The following LRMDA variants were observed in gnomAD, a reference collection of about 807,000 sequenced individuals.
LRMDA encodes the protein leucine-rich melanocyte differentiation-associated protein.
A neutral mutation model predicts 29.8 loss-of-function variants in LRMDA; 18 were observed. The observed-to-expected ratio is 0.60, with a 90% CI of 0.42 to 0.90. LRMDA has a LOEUF of 0.90. Ranked by LOEUF, LRMDA falls within the 40% of genes least tolerant of loss-of-function variation. The pLI is 0.00. For missense variants in LRMDA, 273 were observed against 273.9 expected (o/e 1.00, Z 0.02); for synonymous variants, 125 against 109.4 (o/e 1.14, Z -0.89).
chr10:76,059,417 T>G (rs1848668962), intron 5 of LRMDA, among the ~76,000 whole-genome samples: 2 of 152,168 alleles, frequency 1.3e-5, no homozygotes, highest in South Asian at 4.1e-4. Flanking sequence ...CAGTGGAGAA[T>G]TGGCTTGGGG....
At chr10:75,605,537 G>A (rs1480831099) in intron 2 of LRMDA, among the ~76,000 whole-genome samples, 2 of 152,232 alleles carry the variant, frequency 1.3e-5, no homozygotes. Context: ...AAAGGCCACT[G>A]ATGGAACACT....
chr10:75,708,867 C>T (rs561393459), intron 2 of LRMDA, among the ~76,000 whole-genome samples: 4 of 152,240 alleles, frequency 2.6e-5, no homozygotes, highest in South Asian at 2.1e-4. Context: ...TCTGTGTTTG[C>T]GAGGCTTGAC....
At chr10:76,050,842 A>C (rs998417449) in intron 4 of LRMDA, among the ~76,000 whole-genome samples, 2 of 152,086 alleles carry the variant, frequency 1.3e-5, no homozygotes, top group African/African-American at 2.4e-5. Context: ...AATGGACTTG[A>C]AGGTTAACAG....
intron 2 of LRMDA, among the ~76,000 whole-genome samples, chr10:75,478,719 A>G (rs1844823707): frequency 6.6e-6 from 1 of 152,168 alleles, no homozygotes; most frequent in Admixed American, 6.5e-5. Context: ...TTTCAATAAT[A>G]CATAAGGATT....
intron 2 of LRMDA, among the ~76,000 whole-genome samples, chr10:75,559,121 T>G (rs528622876): frequency 9.7e-4 from 148 of 151,932 alleles, no homozygotes; most frequent in African/African-American, 3.3e-3. Flanking sequence ...ACTTCCACAA[T>G]GGTTGAACTA....
intron 2 of LRMDA, among the ~76,000 whole-genome samples, chr10:75,520,027 T>G (rs1845338104): frequency 1.3e-5 from 2 of 152,206 alleles, no homozygotes; most frequent in Non-Finnish European, 2.9e-5. Context: ...TCTGGCTTGT[T>G]GGGTTTCTGC....
At chr10:75,834,361 T>C (rs1589222953) in intron 2 of LRMDA, among the ~76,000 whole-genome samples, 1 of 152,314 alleles carries the variant, frequency 6.6e-6, no homozygotes, top group Non-Finnish European at 1.5e-5. Flanking sequence ...TACTCTGATA[T>C]TTTGACCCTT....
intron 2 of LRMDA, among the ~76,000 whole-genome samples, chr10:75,843,702 CAT>C (rs529038614): frequency 3.9e-5 from 6 of 152,214 alleles, no homozygotes; most frequent in Admixed American, 3.3e-4. Flanking sequence ...GTGGGCAAGA[CAT>C]GTGCTTGGCA....
chr10:76,141,987 A>G (rs1850210623), intron 5 of LRMDA, among the ~76,000 whole-genome samples: 1 of 151,366 alleles, frequency 6.6e-6, no homozygotes, highest in Admixed American at 6.6e-5. Flanking sequence ...CCTAGATTCT[A>G]CTCTTGACTC....
chr10:76,177,897 G>T lies in LRMDA; in HGVS notation c.516+119114G>T, dbSNP rs143688505. On this transcript the variant is annotated intron_variant, in intron 5 of 6. Coordinates refer to ENST00000611255, the MANE Select transcript of LRMDA (RefSeq NM_001305581.2). ...GAAATGAAGTAAGCTGGTCTGGTCT[G>T]TCCAGTGGTGTTAGAGCTGAATTGA... is the stretch of plus-strand genomic sequence containing the variant. Among the ~76,000 whole-genome samples, 274 of 152,316 alleles carry T rather than the reference G, an allele frequency of 1.8e-3. No individual in the cohort carries two copies. The Middle Eastern group carries it at 0.034, about 19-fold the overall frequency.
chr10:76,380,927 T>C (rs1589158884), intron 6 of LRMDA, among the ~76,000 whole-genome samples: 1 of 151,384 alleles, frequency 6.6e-6, no homozygotes, highest in African/African-American at 2.4e-5. Flanking sequence ...GAATAATAAA[T>C]AATTTCAAAT....
intron 5 of LRMDA, among the ~76,000 whole-genome samples, chr10:76,189,725 G>A (rs1476295536): frequency 6.6e-6 from 1 of 152,164 alleles, no homozygotes; most frequent in Non-Finnish European, 1.5e-5. Flanking sequence ...GTTCCTATGT[G>A]TTTGCTGTGG....
intron 1 of LRMDA, among the ~76,000 whole-genome samples, chr10:75,436,768 C>T (rs1357422803): frequency 6.6e-6 from 1 of 152,090 alleles, no homozygotes; most frequent in Non-Finnish European, 1.5e-5. Context: ...CGCGCCTGGC[C>T]AAGAAGCTGC....
intron 6 of LRMDA, among the ~76,000 whole-genome samples, chr10:76,541,948 A>G (rs1184436553): frequency 6.6e-6 from 1 of 152,150 alleles, no homozygotes; most frequent in Non-Finnish European, 1.5e-5. Flanking sequence ...TGTAATTGCT[A>G]AATAATATAG....
At chr10:76,004,854 A>C (rs937845463) in intron 2 of LRMDA, among the ~76,000 whole-genome samples, 9 of 151,204 alleles carry the variant, frequency 6.0e-5, no homozygotes, top group Non-Finnish European at 1.0e-4. Flanking sequence ...CAGCCTCCCG[A>C]GTAGCTGGGA....
chr10:76,121,237 A>G (rs972393969), intron 5 of LRMDA, among the ~76,000 whole-genome samples: 5 of 152,034 alleles, frequency 3.3e-5, no homozygotes, highest in Non-Finnish European at 4.4e-5. Flanking sequence ...AGAAAGAAAG[A>G]GGAAGGAGAG....
Position 75,588,516 on chromosome 10 carries a change from T to C in LRMDA, c.131+150022T>C, listed in dbSNP as rs1322607679. Among the ~76,000 whole-genome samples, 5 of 152,212 alleles carry C rather than the reference T, an allele frequency of 3.3e-5. No individual in the cohort carries two copies. In the East Asian group the frequency reaches 7.7e-4, roughly 23 times the overall value. ...CTGGTCCATGTGAGTTCCTTCCCAT[T>C]CACAGCCTTCTCTTCCCTATTTTGG... is the stretch of plus-strand genomic sequence containing the variant. On this transcript the variant is annotated intron_variant, in intron 2 of 6. Transcript: ENST00000611255.
At chr10:76,548,216 T>C (rs891129216) in intron 6 of LRMDA, among the ~76,000 whole-genome samples, 6 of 152,148 alleles carry the variant, frequency 3.9e-5, no homozygotes, top group African/African-American at 1.4e-4. Context: ...CTTATTTTTC[T>C]CCGCTGTAAA....
chr10:76,229,715 T>C (rs1852024894), intron 5 of LRMDA, among the ~76,000 whole-genome samples: 1 of 152,116 alleles, frequency 6.6e-6, no homozygotes, highest in African/African-American at 2.4e-5. Flanking sequence ...GAGGTATCTC[T>C]TCCGAGCCCG....
Sources: allele counts gnomAD v4.1 joint callset (sites outside exome capture counted in the v4.1 genomes callset), GRCh38; gene constraint gnomAD v4.1.1; transcripts MANE v1.5; gene names NCBI Gene and HGNC (gene_info 2026-07-23, HGNC 2026-07-21).